VDR: variants seen among roughly 807,000 people sequenced by gnomAD.
VDR encodes vitamin D3 receptor.
VDR carries 19 observed loss-of-function variants against 39.7 expected under a neutral mutation model. The ratio of observed to expected loss-of-function variants is 0.48; its 90% confidence interval spans 0.33 to 0.70. VDR has a LOEUF of 0.70. Ranked by LOEUF, VDR falls within the 30% of genes least tolerant of loss-of-function variation. VDR has a pLI of 0.02. For synonymous variants in VDR, 242 were observed against 215.8 expected (o/e 1.12, Z -1.07); for missense variants, 442 against 570.5 (o/e 0.77, Z 2.29).
intron 1 of VDR, among the ~76,000 whole-genome samples, chr12:47,895,762 A>G (rs1191073203): frequency 6.6e-6 from 1 of 152,226 alleles, no homozygotes; most frequent in African/African-American, 2.4e-5. Context: ...AAGAGTTTAC[A>G]TTTTTGAAAA....
chr12:47,872,940 A>G (rs191780300), intron 3 of VDR, among the ~76,000 whole-genome samples: 1 of 147,092 alleles, frequency 6.8e-6, no homozygotes, highest in African/African-American at 2.7e-5. Context: ...CAAGTGACAC[A>G]AAAAGGCACG....
intron 4 of VDR, 74 bp from the exon 5 acceptor site, chr12:47,857,762 G>T (rs974776402): frequency 2.6e-6 from 4 of 1,545,792 alleles, no homozygotes; most frequent in African/African-American, 2.7e-5. Context: ...GCGGTTGGGG[G>T]TAAAGGTCCA....
chr12:47,903,402 A>T (rs1946604448), intron 1 of VDR, among the ~76,000 whole-genome samples: 1 of 152,222 alleles, frequency 6.6e-6, no homozygotes, highest in African/African-American at 2.4e-5. Context: ...AACGATCTCT[A>T]GCACCCAAAA....
chr12:47,850,997 C>T (rs777242425), intron 7 of VDR, among the ~76,000 whole-genome samples: 1 of 152,136 alleles, frequency 6.6e-6, no homozygotes, highest in Non-Finnish European at 1.5e-5. Flanking sequence ...ACTGTCTTCT[C>T]AACAACTTTT....
chr12:47,901,867 G>A (rs1946567575), intron 1 of VDR, among the ~76,000 whole-genome samples: 1 of 152,232 alleles, frequency 6.6e-6, no homozygotes, highest in Non-Finnish European at 1.5e-5. Context: ...GGTGAGGCCA[G>A]TCACAAGTCA....
intron 1 of VDR, among the ~76,000 whole-genome samples, chr12:47,888,204 G>T (rs1276637540): frequency 6.6e-6 from 1 of 152,188 alleles, no homozygotes; most frequent in Non-Finnish European, 1.5e-5. Context: ...ACTATCATGA[G>T]AATAGCATGG....
intron 2 of VDR, among the ~76,000 whole-genome samples, chr12:47,879,639 G>C (rs1054736181): frequency 6.6e-6 from 1 of 152,118 alleles, no homozygotes; most frequent in Non-Finnish European, 1.5e-5. Flanking sequence ...AGGGTGGGGG[G>C]AATTGAGGAT....
chr12:47,903,929 A>G (rs1456282281), intron 1 of VDR, among the ~76,000 whole-genome samples: 1 of 152,106 alleles, frequency 6.6e-6, no homozygotes, highest in Non-Finnish European at 1.5e-5. Flanking sequence ...CATGAGGAAG[A>G]CCACCTTCCA....
chr12:47,877,645 C>T (rs2137198071), intron 3 of VDR, among the ~76,000 whole-genome samples: 1 of 152,204 alleles, frequency 6.6e-6, no homozygotes, highest in African/African-American at 2.4e-5. Flanking sequence ...TCAAGGCAGC[C>T]CCCCAAGTTA....
chr12:47,852,410 G>C lies in VDR; in HGVS notation c.755+3220C>G, dbSNP rs552152259. On this transcript the variant is annotated intron_variant, in intron 7 of 9. Coordinates refer to ENST00000549336, the MANE Select transcript of VDR (RefSeq NM_000376.3). ...ACGTGAAGCGTGGAGGAGGGAGTTG[G>C]AACTTGTGCTCTACGGAATGTGTTG... is the stretch of plus-strand genomic sequence containing the variant. Among the ~76,000 whole-genome samples, 8 of 152,362 alleles carry C rather than the reference G, an allele frequency of 5.3e-5. No homozygotes were observed. The East Asian group carries it at 1.5e-3, about 29-fold the overall frequency.
intron 3 of VDR, among the ~76,000 whole-genome samples, chr12:47,871,292 C>CTCTTTCTCTTTCTTTCTT (rs1555153495): frequency 1.1e-4 from 9 of 79,880 alleles, no homozygotes; most frequent in Non-Finnish European, 1.7e-4. Flanking sequence ...CTTTCTCTTT[C>CTCTTTCTCTTTCTTTCTT]TCTTTCTTTC....
rs561663044 is a variant in VDR, at chr12:47,844,673, G to T, written c.*73C>A. On this transcript the variant is annotated 3_prime_UTR_variant, in exon 10 of 10. Coordinates refer to ENST00000549336, the MANE Select transcript of VDR (RefSeq NM_000376.3). ...ACGGGGTGAGGAGGGCTGCTGAGTA[G>T]CCGCCAGCCCCGGGCCTGGCACGTG... 30 of 1,599,534 alleles carry T rather than the reference G, an allele frequency of 1.9e-5. No individual in the cohort carries two copies. In the East Asian group the frequency reaches 6.7e-4, roughly 36 times the overall value.
chr12:47,873,196 T>C (rs934736840), intron 3 of VDR, among the ~76,000 whole-genome samples: 3 of 152,138 alleles, frequency 2.0e-5, no homozygotes, highest in African/African-American at 7.2e-5. Flanking sequence ...CAAGATCTGA[T>C]GTTTTTAAAG....
At chr12:47,864,915 C>A in intron 4 of VDR, 132 bp downstream of exon 4, 10 of 1,493,326 alleles carry the variant, frequency 6.7e-6, no homozygotes, top group Admixed American at 1.7e-5. Flanking sequence ...CCCACTGAGG[C>A]CCTGGCCCCA....
At chr12:47,904,608 C>A in intron 1 of VDR, 1 of 1,536,008 alleles carries the variant, frequency 6.5e-7, no homozygotes, top group Non-Finnish European at 8.7e-7. Context: ...CCAATCGCTC[C>A]TTTTCTTATT....
chr12:47,899,986 G>T (rs1328030324), intron 1 of VDR: 2 of 984,248 alleles, frequency 2.0e-6, no homozygotes, highest in Admixed American at 6.1e-5. Flanking sequence ...AGAGGGAAAA[G>T]GTAGGCAAAG....
intron 1 of VDR, among the ~76,000 whole-genome samples, chr12:47,883,362 G>A (rs1946196113): frequency 6.6e-6 from 1 of 152,154 alleles, no homozygotes; most frequent in Non-Finnish European, 1.5e-5. Flanking sequence ...GTGGAGACCG[G>A]GTGTAGGCGG....
At chr12:47,904,178 C>T (rs553239718) in intron 1 of VDR, among the ~76,000 whole-genome samples, 91 of 152,038 alleles carry the variant, frequency 6.0e-4, no homozygotes, top group Admixed American at 3.1e-3. Context: ...AAGGCTCCCC[C>T]AGCCCAGGCT....
chr12:47,878,777 A>T, intron 3 of VDR, 191 bp downstream of exon 3: 1 of 886,452 alleles, frequency 1.1e-6, no homozygotes. Flanking sequence ...TCAGAGGAAC[A>T]TCTGGAGCTG....
Sources: allele counts gnomAD v4.1 joint callset (sites outside exome capture counted in the v4.1 genomes callset), GRCh38; gene constraint gnomAD v4.1.1; transcripts MANE v1.5; gene names NCBI Gene and HGNC (gene_info 2026-07-23, HGNC 2026-07-21).